DNAJC10: variants seen among roughly 807,000 people sequenced by gnomAD.
DNAJC10 encodes the protein DnaJ heat shock protein family (Hsp40) member C10, also known as endoplasmic reticulum disulfide reductase DNAJC10.
Under a neutral mutation model 115.0 loss-of-function variants are expected in DNAJC10, and 101 were observed. That is an observed-to-expected ratio of 0.88 (90% CI 0.75 to 1.04). DNAJC10 has a LOEUF of 1.04. Ranked by LOEUF, DNAJC10 falls within the 50% of genes least tolerant of loss-of-function variation. The pLI is 0.00. For synonymous variants in DNAJC10, 307 were observed against 301.5 expected, an observed-to-expected ratio of 1.02 and a Z score of -0.19; for missense variants, 981 against 928.8, an observed-to-expected ratio of 1.06 and a Z score of -0.73.
chr2:182,770,673 G>A (rs1228913650), intron 22 of DNAJC10, among the ~76,000 whole-genome samples: 2 of 152,172 alleles, frequency 1.3e-5, no homozygotes, highest in Non-Finnish European at 2.9e-5. Context: ...CTGAGACTTT[G>A]CTGAAGTTCC....
intron 14 of DNAJC10, among the ~76,000 whole-genome samples, chr2:182,749,223 G>T: frequency 7.5e-6 from 1 of 134,128 alleles, no homozygotes; most frequent in Non-Finnish European, 1.6e-5. Context: ...TTGACTTTCT[G>T]TCTCGTTGAT....
chr2:182,753,012 T>TA (rs1694064213), intron 16 of DNAJC10, among the ~76,000 whole-genome samples: 1 of 152,338 alleles, frequency 6.6e-6, no homozygotes, highest in African/African-American at 2.4e-5. Flanking sequence ...ACTGACAAGA[T>TA]ATCTGATGAT....
At chr2:182,750,854 T>C (rs759632050) in intron 14 of DNAJC10, among the ~76,000 whole-genome samples, 3 of 152,322 alleles carry the variant, frequency 2.0e-5, no homozygotes, top group African/African-American at 4.8e-5. Context: ...TATAATCTTA[T>C]GGGACCCCAT....
intron 4 of DNAJC10, 126 bp from the exon 5 acceptor site, chr2:182,721,899 C>T: frequency 1.9e-6 from 1 of 526,446 alleles, no homozygotes; most frequent in Non-Finnish European, 3.3e-6. Context: ...GTTGCATATT[C>T]TCTAAGTTTG....
At chr2:182,757,582 G>A (rs1448884975) in intron 18 of DNAJC10, 110 bp from the exon 19 acceptor site, 24 of 813,608 alleles carry the variant, frequency 2.9e-5, no homozygotes, top group African/African-American at 3.6e-5. Context: ...TTGGGTAAAA[G>A]TCACTGATAA....
chr2:182,754,408 G>C (rs1446711868), intron 16 of DNAJC10, among the ~76,000 whole-genome samples: 3 of 152,278 alleles, frequency 2.0e-5, no homozygotes, highest in Non-Finnish European at 2.9e-5. Flanking sequence ...AAAAGCTTTA[G>C]AGAGAGGCTT....
intron 5 of DNAJC10, among the ~76,000 whole-genome samples, chr2:182,722,504 T>G (rs1207722608): frequency 6.6e-6 from 1 of 152,118 alleles, no homozygotes; most frequent in Non-Finnish European, 1.5e-5. Flanking sequence ...TTTTAGAAAA[T>G]TGTATACCAG....
chr2:182,729,724 A>G, intron 7 of DNAJC10, 124 bp from the exon 8 acceptor site: 1 of 538,212 alleles, frequency 1.9e-6, no homozygotes, highest in Admixed American at 3.5e-5. Context: ...ACATTCTGCT[A>G]TTGAGAAATA....
chr2:182,782,150 C>G lies in DNAJC10; in HGVS notation c.*5018C>G, dbSNP rs1049172816. The G allele has an allele frequency of 3.3e-5, 5 of 152,120 alleles. No homozygotes were observed. The highest frequency in any genetic ancestry group is 7.4e-5 in the Non-Finnish European group (5 of 68,024). 9.4% of individuals were successfully genotyped at this position (152,120 alleles called of 1,614,324 possible). On this transcript the variant is annotated 3_prime_UTR_variant, in exon 24 of 24. Coordinates refer to ENST00000264065, the MANE Select transcript of DNAJC10 (RefSeq NM_018981.4). ...AGGTGTAAGGAAGGGGTCCCAGTTT[C>G]AGTTTTCTACATGTGGCTAGCCTGT...
chr2:182,719,868 G>T, intron 3 of DNAJC10, 139 bp from the exon 4 acceptor site: 9 of 279,618 alleles, frequency 3.2e-5, no homozygotes, highest in Admixed American at 6.7e-5. Context: ...GGTAACTCAT[G>T]TCATGTTGTA....
chr2:182,763,054 CAAA>C (rs918453291), intron 22 of DNAJC10, among the ~76,000 whole-genome samples: 1 of 151,634 alleles, frequency 6.6e-6, no homozygotes, highest in Non-Finnish European at 1.5e-5. Flanking sequence ...TAGAAAGAGA[CAAA>C]AAAAGTATTA....
intron 20 of DNAJC10, 81 bp from the exon 21 acceptor site, chr2:182,759,079 G>T: frequency 3.1e-6 from 4 of 1,273,844 alleles, no homozygotes; most frequent in Non-Finnish European, 3.3e-6. Flanking sequence ...TTTTAACTTA[G>T]AAAGTATTAC....
At chr2:182,753,155 A>C (rs990191457) in intron 16 of DNAJC10, among the ~76,000 whole-genome samples, 12 of 152,164 alleles carry the variant, frequency 7.9e-5, no homozygotes, top group African/African-American at 2.9e-4. Context: ...CTTTAAAATG[A>C]TCTTGGGAGT....
At position 182,781,479 on chromosome 2, in the gene DNAJC10, A is replaced by G. The variant is rs1326928838; in HGVS notation, c.*4347A>G. ...TTTATAATCCTTTAGGTATATACCC[A>G]GTAACGGGATTGCTGGGTCAAATGG... On this transcript the variant is annotated 3_prime_UTR_variant, in exon 24 of 24. Coordinates refer to ENST00000264065, the MANE Select transcript of DNAJC10 (RefSeq NM_018981.4). 6.6e-6 allele frequency: 1 copy of G among 152,188 alleles called. No individual in the cohort carries two copies. The highest frequency in any genetic ancestry group is 2.4e-5 in the African/African-American group (1 of 41,446). 9.4% of individuals were successfully genotyped at this position (152,188 alleles called of 1,614,324 possible).
At chr2:182,741,397 TTTG>T in intron 13 of DNAJC10, 41 bp downstream of exon 13, 1 of 1,037,812 alleles carries the variant, frequency 9.6e-7, no homozygotes, top group Non-Finnish European at 1.4e-6. Context: ...GCTGGTGTAC[TTTG>T]TTGTTAATTT....
intron 5 of DNAJC10, among the ~76,000 whole-genome samples, chr2:182,722,900 A>C (rs1320554222): frequency 6.6e-6 from 1 of 152,202 alleles, no homozygotes; most frequent in Non-Finnish European, 1.5e-5. Context: ...TGATGGCACC[A>C]CAAAAAAAAA....
At chr2:182,770,638 G>A (rs1055046307) in intron 22 of DNAJC10, among the ~76,000 whole-genome samples, 1 of 152,138 alleles carries the variant, frequency 6.6e-6, no homozygotes, top group African/African-American at 2.4e-5. Context: ...GAGTGCTTGT[G>A]ATTTTTGCAC....
intron 14 of DNAJC10, among the ~76,000 whole-genome samples, chr2:182,744,148 G>A (rs575528315): frequency 1.2e-3 from 177 of 152,146 alleles, no homozygotes; most frequent in African/African-American, 3.8e-3. Flanking sequence ...TTTTATTTCA[G>A]CTTATTTGGG....
In DNAJC10 at chr2:182,786,349, G is replaced by A. The variant is rs1694945486; in HGVS notation, c.*9217G>A. 6.6e-6 allele frequency: 1 copy of A among 152,136 alleles called. No individual in the cohort carries two copies. The highest frequency in any genetic ancestry group is 1.5e-5 in the Non-Finnish European group (1 of 68,010). 9.4% of individuals were successfully genotyped at this position (152,136 alleles called of 1,614,324 possible). Reference sequence around the variant, plus strand: ...TTTCATTACTTCCTTTCAGCGTGGAGCCTGAGCATCATTTCACCATTTTGA... The same window carrying A: ...TTTCATTACTTCCTTTCAGCGTGGAACCTGAGCATCATTTCACCATTTTGA... On this transcript the variant is annotated 3_prime_UTR_variant, in exon 24 of 24. Coordinates refer to ENST00000264065, the MANE Select transcript of DNAJC10 (RefSeq NM_018981.4).
Sources: allele counts gnomAD v4.1 joint callset (sites outside exome capture counted in the v4.1 genomes callset), GRCh38; gene constraint gnomAD v4.1.1; transcripts MANE v1.5; gene names NCBI Gene and HGNC (gene_info 2026-07-23, HGNC 2026-07-21).